The following EVI5 variants were observed in gnomAD, a reference collection of about 807,000 sequenced individuals.
EVI5 encodes ecotropic viral integration site 5 protein homolog.
A neutral mutation model predicts 112.0 loss-of-function variants in EVI5; 73 were observed. The ratio of observed to expected loss-of-function variants is 0.65; its 90% CI spans 0.54 to 0.79. The LOEUF is 0.79. Among genes scored for constraint, EVI5 ranks in the 30% least tolerant of loss-of-function variants. The pLI is 0.00. For synonymous variants in EVI5, 305 were observed against 319.9 expected (o/e 0.95, Z 0.50); for missense variants, 900 against 968.8 (o/e 0.93, Z 0.94).
At chr1:92,677,556 G>A (rs1266321414) in intron 9 of EVI5, among the ~76,000 whole-genome samples, 1 of 152,092 alleles carries the variant, frequency 6.6e-6, no homozygotes, top group African/African-American at 2.4e-5. Context: ...CACACCTGTA[G>A]GTTCAACTGG....
intron 19 of EVI5, among the ~76,000 whole-genome samples, chr1:92,551,213 T>C (rs1666887424): frequency 6.6e-6 from 1 of 151,738 alleles, no homozygotes; most frequent in African/African-American, 2.4e-5. Context: ...AGCTAATTTT[T>C]GTAGAGACAG....
At chr1:92,514,558 A>G (rs1659580062) in intron 19 of EVI5, among the ~76,000 whole-genome samples, 1 of 152,194 alleles carries the variant, frequency 6.6e-6, no homozygotes, top group African/African-American at 2.4e-5. Flanking sequence ...CAGGAAGAGT[A>G]ACTTGCTAAG....
intron 19 of EVI5, among the ~76,000 whole-genome samples, chr1:92,555,848 CAA>C (rs148221183): frequency 0.52 from 48,238 of 93,350 alleles, 9,428 homozygotes; most frequent in East Asian, 0.8. Flanking sequence ...AAACTCGTCT[CAA>C]AAAAAAAAAA....
At position 92,785,032 on chromosome 1, in the gene EVI5, T is replaced by C. The variant is rs1685446663; in HGVS notation, c.-278A>G. 2 of 985,258 alleles carry C rather than the reference T, an allele frequency of 2.0e-6. No homozygotes were observed. Among genetic ancestry groups the C allele is most frequent in the Non-Finnish European group, 1.2e-6 (1 of 830,010 alleles). The allele number at this position is 985,258 out of a possible 1,614,324, so 61.0% of individuals were successfully genotyped here. Reference sequence around the variant, plus strand: ...CCTACCCCTCCCGGCACCGCCGCTGTCGGAACTGCAGCCAGCCCCTTGCCA... The same window carrying C: ...CCTACCCCTCCCGGCACCGCCGCTGCCGGAACTGCAGCCAGCCCCTTGCCA... On this transcript the variant is annotated 5_prime_UTR_variant, in exon 1 of 20. Transcript: ENST00000684568.
At chr1:92,719,297 A>G (rs1302151021) in intron 2 of EVI5, among the ~76,000 whole-genome samples, 1 of 152,222 alleles carries the variant, frequency 6.6e-6, no homozygotes, top group Non-Finnish European at 1.5e-5. Flanking sequence ...AAAATCCTCA[A>G]TAAAATACTG....
At chr1:92,549,826 G>A (rs889972742) in intron 19 of EVI5, among the ~76,000 whole-genome samples, 1 of 152,136 alleles carries the variant, frequency 6.6e-6, no homozygotes, top group Non-Finnish European at 1.5e-5. Context: ...TTAGAATGGT[G>A]ATCATTAAAA....
chr1:92,756,535 A>C (rs980302465), intron 1 of EVI5: 24 of 528,012 alleles, frequency 4.5e-5, no homozygotes, highest in Non-Finnish European at 9.3e-5. Flanking sequence ...AGTGCCGTGT[A>C]CTGAACAGCT....
chr1:92,530,071 T>C (rs924088169), intron 19 of EVI5, among the ~76,000 whole-genome samples: 2 of 152,228 alleles, frequency 1.3e-5, no homozygotes, highest in African/African-American at 4.8e-5. Context: ...CTCTCTCTTC[T>C]GTTAGACCCT....
At chr1:92,739,685 A>G (rs558858090) in intron 1 of EVI5, among the ~76,000 whole-genome samples, 1 of 152,324 alleles carries the variant, frequency 6.6e-6, no homozygotes, top group East Asian at 1.9e-4. Context: ...AGACATGATT[A>G]TATCACTTTA....
intron 14 of EVI5, among the ~76,000 whole-genome samples, chr1:92,629,220 T>C (rs1656345392): frequency 6.6e-6 from 1 of 152,218 alleles, no homozygotes; most frequent in Non-Finnish European, 1.5e-5. Flanking sequence ...TCCAGAAATA[T>C]AAAAATAGGA....
chr1:92,674,391 T>C (rs1191990964), intron 10 of EVI5, among the ~76,000 whole-genome samples: 1 of 152,112 alleles, frequency 6.6e-6, no homozygotes, highest in Admixed American at 6.5e-5. Flanking sequence ...TGCAGGTACA[T>C]GGATGAAGCT....
At chr1:92,594,893 T>G (rs926863494) in intron 18 of EVI5, among the ~76,000 whole-genome samples, 1 of 151,944 alleles carries the variant, frequency 6.6e-6, no homozygotes, top group Non-Finnish European at 1.5e-5. Flanking sequence ...GTTAGAATGG[T>G]GATCATTAAA....
At chr1:92,693,945 T>TAATA (rs1669903658) in intron 8 of EVI5, 46 bp from the exon 9 acceptor site, 1 of 1,127,834 alleles carries the variant, frequency 8.9e-7, no homozygotes, top group African/African-American at 1.6e-5. Context: ...TTAGTGCTGT[T>TAATA]AATAGTGAAA....
chr1:92,609,825 T>C (rs1054446534), intron 16 of EVI5, among the ~76,000 whole-genome samples: 4 of 152,116 alleles, frequency 2.6e-5, no homozygotes, highest in Admixed American at 6.5e-5. Context: ...TCTTTACTTT[T>C]ACTTGTCTTC....
intron 1 of EVI5, among the ~76,000 whole-genome samples, chr1:92,765,103 G>T (rs1394346988): frequency 6.6e-6 from 1 of 151,714 alleles, no homozygotes; most frequent in Non-Finnish European, 1.5e-5. Context: ...GGTAATTTTG[G>T]TAATATACTT....
intron 18 of EVI5, among the ~76,000 whole-genome samples, chr1:92,598,129 C>T (rs1264971235): frequency 6.6e-6 from 1 of 152,098 alleles, no homozygotes; most frequent in East Asian, 1.9e-4. Flanking sequence ...GTCTCCCCCA[C>T]CACTGCCCAA....
At chr1:92,660,002 G>A (rs554708435) in intron 13 of EVI5, among the ~76,000 whole-genome samples, 295 of 152,032 alleles carry the variant, frequency 1.9e-3, no homozygotes, top group African/African-American at 7.0e-3. Flanking sequence ...ATTGCATACC[G>A]TCACTTATAA....
At chr1:92,642,588 T>C (rs1241759287) in intron 13 of EVI5, among the ~76,000 whole-genome samples, 1 of 152,224 alleles carries the variant, frequency 6.6e-6, no homozygotes, top group Non-Finnish European at 1.5e-5. Context: ...ACAAACATTT[T>C]CTAAAATACA....
chr1:92,735,244 T>C (rs918609797), intron 2 of EVI5, among the ~76,000 whole-genome samples: 3 of 152,198 alleles, frequency 2.0e-5, no homozygotes, highest in African/African-American at 7.2e-5. Context: ...ACTATCAATA[T>C]GTGCTATAAC....
Sources: gnomAD v4.1 joint callset for allele counts (sites outside exome capture counted in the v4.1 genomes callset) on GRCh38, gnomAD v4.1.1 for gene constraint, MANE v1.5 for transcripts, NCBI Gene and HGNC (gene_info 2026-07-23, HGNC 2026-07-21) for gene names.